Variants in COX10 observed in about 807,000 individuals in gnomAD.
COX10 encodes protoheme IX farnesyltransferase, mitochondrial.
A neutral mutation model predicts 37.3 loss-of-function variants in COX10; 27 were observed. The observed-to-expected ratio is 0.72, with a 90% confidence interval of 0.53 to 1.00. The LOEUF (loss-of-function observed/expected upper bound fraction) is 1.00, where lower values mean the gene tolerates loss of function less well. Ranked by LOEUF, COX10 falls within the 50% of genes least tolerant of loss-of-function variation. The pLI is 0.00. For missense variants in COX10, 475 were observed against 563.2 expected (o/e 0.84, Z 1.59); for synonymous variants, 222 against 229.1 (o/e 0.97, Z 0.28).
intron 5 of COX10, among the ~76,000 whole-genome samples, chr17:14,169,125 G>C (rs1905378338): frequency 6.6e-6 from 1 of 152,166 alleles, no homozygotes; most frequent in Admixed American, 6.5e-5. Context: ...TGAATGCTTT[G>C]CTGCTTAGAA....
intron 4 of COX10, among the ~76,000 whole-genome samples, chr17:14,138,086 G>T (rs1050397941): frequency 6.6e-6 from 1 of 151,258 alleles, no homozygotes; most frequent in Non-Finnish European, 1.5e-5. Context: ...GGACACACAT[G>T]AATAAAATTT....
At chr17:14,157,822 A>G (rs1363979651) in intron 4 of COX10, among the ~76,000 whole-genome samples, 1 of 152,226 alleles carries the variant, frequency 6.6e-6, no homozygotes, top group Non-Finnish European at 1.5e-5. Context: ...CTTGGTAGAC[A>G]GTTCCTTTTG....
At chr17:14,203,444 G>A (rs78127563) in intron 6 of COX10, among the ~76,000 whole-genome samples, 1 of 152,092 alleles carries the variant, frequency 6.6e-6, no homozygotes, top group Non-Finnish European at 1.5e-5. Flanking sequence ...TAAACCATCT[G>A]TACCCACACA....
intron 5 of COX10, among the ~76,000 whole-genome samples, chr17:14,174,292 T>C (rs2142250326): frequency 6.6e-6 from 1 of 152,090 alleles, no homozygotes; most frequent in Non-Finnish European, 1.5e-5. Context: ...AGACCTCATC[T>C]TTACAAAATT....
At chr17:14,129,562 A>G (rs1916418898) in intron 4 of COX10, among the ~76,000 whole-genome samples, 2 of 152,170 alleles carry the variant, frequency 1.3e-5, no homozygotes, top group Non-Finnish European at 1.5e-5. Flanking sequence ...ATTTAGGCTT[A>G]TATGGATAAA....
At position 14,206,911 on chromosome 17, in the gene COX10, A is replaced by G. The variant is rs1007028616; in HGVS notation, c.1030A>G (p.Met344Val). 2 of 1,613,892 alleles carry G rather than the reference A, an allele frequency of 1.2e-6. No homozygotes were observed. The highest frequency in any genetic ancestry group is 8.5e-7 in the Non-Finnish European group (1 of 1,179,936). ...AGACTACTCCCGGGGCGGCTACTGC[A>G]TGATGTCGGTCACCCACCCGGGCCT... ...REDYSRGGYC[M>V]MSVTHPGLCR... The change falls in exon 7 of 7, where the codon ATG becomes GTG. Residue 344 changes from methionine (M) to valine (V), a missense_variant. Coordinates refer to ENST00000261643, the MANE Select transcript of COX10 (RefSeq NM_001303.4).
intron 3 of COX10, among the ~76,000 whole-genome samples, chr17:14,095,732 TG>T (rs1302490709): frequency 6.6e-6 from 1 of 152,166 alleles, no homozygotes; most frequent in African/African-American, 2.4e-5. Context: ...CCGGGCTCAC[TG>T]GTTGTTGGTA....
chr17:14,074,416 A>C lies in COX10; in HGVS notation c.137A>C (p.Gln46Pro). 1 of 1,613,912 alleles carries C rather than the reference A, an allele frequency of 6.2e-7. No individual in the cohort carries two copies. Among genetic ancestry groups the C allele is most frequent in the Non-Finnish European group, 8.5e-7 (1 of 1,179,794 alleles). ...CATCTTCTCAGGAATGTCAATAAGC[A>C]GTGGATTACATTTCAGCACTTTAGC... Reference protein sequence around the residue: ...FLHLLRNVNKQWITFQHFSFL... With the variant: ...FLHLLRNVNKPWITFQHFSFL... Residue 46 changes from glutamine to proline, a missense_variant, in exon 2 of 7, where the codon CAG (glutamine) becomes CCG (proline). Transcript: ENST00000261643.
intron 4 of COX10, among the ~76,000 whole-genome samples, chr17:14,113,253 C>T (rs2142207584): frequency 6.6e-6 from 1 of 152,186 alleles, no homozygotes; most frequent in African/African-American, 2.4e-5. Flanking sequence ...ACAGAAAGCA[C>T]CAAAAATCAG....
Position 14,127,927 on chromosome 17 carries a change from ATGTGTGTGTGTGTG to A in COX10, c.624+25710_624+25723del, listed in dbSNP as rs67774468. 2.6e-4 allele frequency among the ~76,000 whole-genome samples: 38 copies of A among 143,702 alleles called. No individual in the cohort carries two copies. The South Asian group carries it at 7.4e-3, about 28-fold the overall frequency. The allele number at this position is 143,702 out of a possible 152,430, so 94.3% of individuals were successfully genotyped here. A position where few individuals can be genotyped will look rare whatever the true frequency, so the allele number is the denominator to read the frequency against. On this transcript the variant is annotated intron_variant, in intron 4 of 6. Transcript: ENST00000261643. ...AATTTGAATCTTTAAGAGTGTGTGT[ATGTGTGTGTGTGTG>A]TGTGTGTGTGTGTGTGTGTGTGTGG...
chr17:14,101,380 C>T (rs964165891), intron 3 of COX10, among the ~76,000 whole-genome samples: 1 of 152,144 alleles, frequency 6.6e-6, no homozygotes, highest in African/African-American at 2.4e-5. Flanking sequence ...CCCAGATTTG[C>T]CCACCAATGG....
At chr17:14,194,690 G>A (rs1457852345) in intron 6 of COX10, among the ~76,000 whole-genome samples, 1 of 152,174 alleles carries the variant, frequency 6.6e-6, no homozygotes, top group Non-Finnish European at 1.5e-5. Flanking sequence ...CTCCCAAAGT[G>A]CTGGGATTAC....
chr17:14,182,387 G>A (rs192495660), intron 5 of COX10: 23 of 883,692 alleles, frequency 2.6e-5, no homozygotes, highest in Non-Finnish European at 2.3e-5. Context: ...TATATTCTTC[G>A]CATTTCTTTT....
At chr17:14,100,730 G>C (rs141742855) in intron 3 of COX10, among the ~76,000 whole-genome samples, 2 of 152,206 alleles carry the variant, frequency 1.3e-5, no homozygotes, top group Non-Finnish European at 2.9e-5. Context: ...AATTTTCAAT[G>C]TTCAAAGCAG....
chr17:14,188,745 A>T (rs1597543581), intron 5 of COX10, among the ~76,000 whole-genome samples: 1 of 152,206 alleles, frequency 6.6e-6, no homozygotes, highest in African/African-American at 2.4e-5. Context: ...AATGCTCACA[A>T]GGTTGCCCGT....
At chr17:14,140,536 TTAGAGA>T (rs759358268) in intron 4 of COX10, among the ~76,000 whole-genome samples, 14 of 152,132 alleles carry the variant, frequency 9.2e-5, no homozygotes, top group Non-Finnish European at 1.8e-4. Context: ...GTGGAATTTA[TTAGAGA>T]TAAACTAAAC....
intron 4 of COX10, among the ~76,000 whole-genome samples, chr17:14,109,456 T>A (rs72816640): frequency 0.024 from 3,729 of 152,334 alleles, 92 homozygotes; most frequent in Middle Eastern, 0.061. Context: ...GAAATTATGA[T>A]AATTCGAACG....
intron 5 of COX10, among the ~76,000 whole-genome samples, chr17:14,176,259 C>T (rs761492390): frequency 2.4e-4 from 36 of 152,120 alleles, no homozygotes; most frequent in Non-Finnish European, 4.6e-4. Flanking sequence ...AGTGCTATAG[C>T]TCTGTCTACC....
In COX10 at chr17:14,136,961, G is replaced by T. The variant is rs1472389675; in HGVS notation, c.625-22916G>T. Among the ~76,000 whole-genome samples the T allele has an allele frequency of 4.6e-5, 7 of 151,728 alleles. No individual in the cohort carries two copies. In the East Asian group the frequency reaches 1.2e-3, roughly 25 times the overall value. On this transcript the variant is annotated intron_variant, in intron 4 of 6. Transcript: ENST00000261643. ...CTTAGACTGTCCTAACAATTTTTTT[G>T]TGTGTGTTTCTTTTTTAAAATCAGT... is the stretch of plus-strand genomic sequence containing the variant.
Sources: gnomAD v4.1 joint callset for allele counts (sites outside exome capture counted in the v4.1 genomes callset) on GRCh38, gnomAD v4.1.1 for gene constraint, MANE v1.5 for transcripts, NCBI Gene and HGNC (gene_info 2026-07-23, HGNC 2026-07-21) for gene names.